SFMBT2: variants seen among roughly 807,000 people sequenced by gnomAD.
SFMBT2 encodes scm-like with four MBT domains protein 2.
SFMBT2 carries 38 observed loss-of-function variants against 110.1 expected under a neutral mutation model. The ratio of observed to expected loss-of-function variants is 0.35; its 90% CI spans 0.27 to 0.45. SFMBT2 has a LOEUF of 0.45. Among genes scored for constraint, SFMBT2 ranks in the 20% least tolerant of loss-of-function variants. The probability of loss-of-function intolerance (pLI) is 1.00; values close to 1 mark genes in which losing one functional copy is unlikely to be tolerated. For synonymous variants in SFMBT2, 425 were observed against 425.4 expected, an observed-to-expected ratio of 1.00 and a Z score of 0.01; for missense variants, 1,011 against 1,094.9, an observed-to-expected ratio of 0.92 and a Z score of 1.08.
At chr10:7,261,976 G>A (rs1002025040) in intron 7 of SFMBT2, among the ~76,000 whole-genome samples, 2 of 152,268 alleles carry the variant, frequency 1.3e-5, no homozygotes, top group African/African-American at 2.4e-5. Context: ...AGCCTCCTCA[G>A]TGTGCCCTCC....
intron 4 of SFMBT2, among the ~76,000 whole-genome samples, chr10:7,335,582 A>ACAC (rs1843695895): frequency 7.0e-6 from 1 of 142,882 alleles, no homozygotes; most frequent in Non-Finnish European, 1.5e-5. Flanking sequence ...CAGAAACAGA[A>ACAC]ACACACACAC....
At chr10:7,302,764 G>C (rs1338286067) in intron 4 of SFMBT2, among the ~76,000 whole-genome samples, 1 of 152,158 alleles carries the variant, frequency 6.6e-6, no homozygotes, top group Non-Finnish European at 1.5e-5. Flanking sequence ...TGGAGCTGAG[G>C]AGTCCCCGCG....
At chr10:7,361,594 T>C (rs1844720646) in intron 4 of SFMBT2, among the ~76,000 whole-genome samples, 1 of 152,294 alleles carries the variant, frequency 6.6e-6, no homozygotes, top group East Asian at 1.9e-4. Context: ...TTCAAATGAG[T>C]TGTATATTAA....
At chr10:7,345,444 T>C (rs1844080047) in intron 4 of SFMBT2, among the ~76,000 whole-genome samples, 1 of 152,224 alleles carries the variant, frequency 6.6e-6, no homozygotes, top group South Asian at 2.1e-4. Flanking sequence ...CTGCAACCTC[T>C]GCCTCACAGG....
intron 4 of SFMBT2, among the ~76,000 whole-genome samples, chr10:7,357,525 A>G (rs1844560472): frequency 6.6e-6 from 1 of 152,042 alleles, no homozygotes; most frequent in Non-Finnish European, 1.5e-5. Context: ...GCTCTTTCCT[A>G]AGTTTCCAGC....
intron 15 of SFMBT2, among the ~76,000 whole-genome samples, chr10:7,196,193 G>C (rs1335599534): frequency 3.3e-5 from 5 of 152,150 alleles, no homozygotes; most frequent in Admixed American, 3.3e-4. Context: ...TAAAATATCA[G>C]AGAAGGCCTT....
chr10:7,194,168 C>T (rs879684023), intron 15 of SFMBT2, among the ~76,000 whole-genome samples: 70 of 152,260 alleles, frequency 4.6e-4, no homozygotes, highest in African/African-American at 1.5e-3. Context: ...TTATGGGGTA[C>T]GTCTGGACCT....
chr10:7,378,910 T>C (rs1588495863), intron 2 of SFMBT2, among the ~76,000 whole-genome samples: 1 of 151,744 alleles, frequency 6.6e-6, no homozygotes, highest in South Asian at 2.1e-4. Flanking sequence ...CCCCCCAGGG[T>C]TTCAGAGCAC....
chr10:7,248,010 T>C (rs1840671233), intron 8 of SFMBT2, among the ~76,000 whole-genome samples: 1 of 152,206 alleles, frequency 6.6e-6, no homozygotes, highest in Non-Finnish European at 1.5e-5. Flanking sequence ...CACCATGACC[T>C]GCTGGGATAT....
chr10:7,164,108 C>A lies in SFMBT2; in HGVS notation c.2545-198G>T, dbSNP rs539306592. On this transcript the variant is annotated intron_variant, in intron 20 of 20. Transcript: ENST00000397167. Reference sequence around the variant, plus strand: ...TGTGTTACTAAAATCTTTTTGTAGCCGGGCACAGTGGCTCACGCCTATAAT... The same window carrying A: ...TGTGTTACTAAAATCTTTTTGTAGCAGGGCACAGTGGCTCACGCCTATAAT... 2.7e-5 allele frequency: 27 copies of A among 985,376 alleles called. No homozygotes were observed. The African/African-American group carries it at 4.5e-4, about 17-fold the overall frequency. The allele number at this position is 985,376 out of a possible 1,614,324, so 61.0% of individuals were successfully genotyped here.
intron 20 of SFMBT2, among the ~76,000 whole-genome samples, chr10:7,165,675 C>G (rs1837676607): frequency 6.6e-6 from 1 of 152,186 alleles, no homozygotes; most frequent in South Asian, 2.1e-4. Flanking sequence ...CAAAGGTGAC[C>G]TTATCAAATC....
At chr10:7,179,226 C>T (rs1214973077) in intron 16 of SFMBT2, among the ~76,000 whole-genome samples, 1 of 151,894 alleles carries the variant, frequency 6.6e-6, no homozygotes, top group African/African-American at 2.4e-5. Flanking sequence ...AAGTAATCTT[C>T]TGTAGATAAG....
Position 7,200,493 on chromosome 10 carries a change from A to C in SFMBT2, c.1488-9T>G, listed in dbSNP as rs751609646. 6 of 1,595,100 alleles carry C rather than the reference A, an allele frequency of 3.8e-6. No homozygotes were observed. Among genetic ancestry groups the C allele is most frequent in the Non-Finnish European group, 8.5e-7 (1 of 1,170,618 alleles). On this transcript the variant is annotated splice_polypyrimidine_tract_variant and intron_variant, in intron 13 of 20. Coordinates refer to ENST00000397167, the MANE Select transcript of SFMBT2 (RefSeq NM_001387889.1). ...GCACTGTGGGCGGCAATCTGTCAAC[A>C]GAGAAAATAAAACTATCAGGGACCA...
At chr10:7,307,842 C>T (rs1249900648) in intron 4 of SFMBT2, among the ~76,000 whole-genome samples, 2 of 152,142 alleles carry the variant, frequency 1.3e-5, no homozygotes, top group Non-Finnish European at 2.9e-5. Flanking sequence ...TTAAGAATTT[C>T]CATCCACTAA....
intron 16 of SFMBT2, among the ~76,000 whole-genome samples, chr10:7,180,601 A>G (rs1482208643): frequency 1.3e-5 from 2 of 152,142 alleles, no homozygotes; most frequent in African/African-American, 4.8e-5. Flanking sequence ...GCCTGGCCTC[A>G]CTGTGGGATG....
chr10:7,334,131 G>A (rs1195365377), intron 4 of SFMBT2, among the ~76,000 whole-genome samples: 2 of 152,170 alleles, frequency 1.3e-5, no homozygotes, highest in Admixed American at 6.5e-5. Flanking sequence ...CATTGCTGAC[G>A]ATGGGAGCAA....
chr10:7,168,490 C>T (rs1405902728), intron 20 of SFMBT2, among the ~76,000 whole-genome samples: 2 of 152,208 alleles, frequency 1.3e-5, no homozygotes, highest in South Asian at 2.1e-4. Context: ...GAAGGCACCT[C>T]GCAGGGACTG....
intron 6 of SFMBT2, 140 bp from the exon 7 acceptor site, chr10:7,277,129 A>G (rs1841806879): frequency 3.5e-6 from 2 of 576,368 alleles, no homozygotes; most frequent in Non-Finnish European, 3.1e-6. Flanking sequence ...CATACCCACC[A>G]TGAGCAGCCA....
chr10:7,339,402 A>G (rs371414593), intron 4 of SFMBT2, among the ~76,000 whole-genome samples: 56 of 152,364 alleles, frequency 3.7e-4, no homozygotes, highest in African/African-American at 1.3e-3. Context: ...GCAAAAATAA[A>G]TGGATATGTT....
Sources: gnomAD v4.1 joint callset for allele counts (sites outside exome capture counted in the v4.1 genomes callset) on GRCh38, gnomAD v4.1.1 for gene constraint, MANE v1.5 for transcripts, NCBI Gene and HGNC (gene_info 2026-07-23, HGNC 2026-07-21) for gene names.